Variants in TOX2 observed in about 807,000 individuals in gnomAD.
TOX2 encodes granulosa cell HMG box 1.
Under a neutral mutation model 47.4 loss-of-function variants are expected in TOX2, and 15 were observed. The observed-to-expected ratio is 0.32, with a 90% confidence interval of 0.21 to 0.49. The LOEUF is 0.49. Ranked by LOEUF, TOX2 falls within the 20% of genes least tolerant of loss-of-function variation. The pLI is 0.99. For synonymous variants in TOX2, 290 were observed against 296.6 expected (o/e 0.98, Z 0.23); for missense variants, 622 against 673.1 (o/e 0.92, Z 0.84).
Position 44,051,463 on chromosome 20 carries a change from C to T in TOX2, c.569C>T (p.Ser190Phe). 1 of 1,613,838 alleles carries T rather than the reference C, an allele frequency of 6.2e-7. No individual in the cohort carries two copies. Residue 190 changes from serine (S) to phenylalanine (F), a missense_variant, in exon 4 of 9, where the codon TCC becomes TTC. Physicochemically the swap from Ser to Phe is radical, Grantham distance 155. This residue lies in a region of TOX2 where 307 missense variants were observed against 327.3 expected (regional missense o/e 0.94). Transcript: ENST00000341197. The part of the protein sequence containing the change: ...MGIRSSIAHS[S>F]PSPPGSKSAT... Reference sequence around the variant, plus strand: ...ATCCGGAGCAGCATCGCCCACAGCTCCCCATCACCGCCGGGGAGCAAGTCA... The same window carrying T: ...ATCCGGAGCAGCATCGCCCACAGCTTCCCATCACCGCCGGGGAGCAAGTCA...
intron 1 of TOX2, among the ~76,000 whole-genome samples, chr20:43,945,020 C>A (rs1028697149): frequency 6.6e-6 from 1 of 152,196 alleles, no homozygotes; most frequent in Non-Finnish European, 1.5e-5. Context: ...TTATCCCAAG[C>A]CCGATCAAGG....
chr20:44,060,771 G>A (rs1291205632), intron 5 of TOX2, among the ~76,000 whole-genome samples: 1 of 152,142 alleles, frequency 6.6e-6, no homozygotes, highest in Non-Finnish European at 1.5e-5. Flanking sequence ...GTGCTAAGAG[G>A]AAAGGTCATA....
chr20:43,954,032 A>C (rs2069625786), intron 1 of TOX2, among the ~76,000 whole-genome samples: 1 of 152,140 alleles, frequency 6.6e-6, no homozygotes, highest in African/African-American at 2.4e-5. Flanking sequence ...CATCTTTTAA[A>C]CTATAAATTA....
intron 3 of TOX2, among the ~76,000 whole-genome samples, chr20:44,043,190 G>T (rs1232576171): frequency 6.6e-6 from 1 of 152,092 alleles, no homozygotes; most frequent in Non-Finnish European, 1.5e-5. Context: ...GACATTTCAG[G>T]GTGCCTAATG....
In TOX2 at chr20:43,946,583, G is replaced by C. The variant is rs553719085; in HGVS notation, c.100-26784G>C. 2.4e-4 allele frequency among the ~76,000 whole-genome samples: 36 copies of C among 152,290 alleles called. No individual in the cohort carries two copies. The South Asian group carries it at 7.5e-3, about 32-fold the overall frequency. On this transcript the variant is annotated intron_variant, in intron 1 of 8. Transcript: ENST00000341197. ...ATAAAAATTTCTTGCCAAATTTGGT[G>C]AATGCCACCTTTTCCGTTTGTGAAG...
chr20:43,999,109 A>G (rs752807694), intron 2 of TOX2, among the ~76,000 whole-genome samples: 4 of 152,154 alleles, frequency 2.6e-5, no homozygotes, highest in African/African-American at 7.2e-5. Context: ...AGGCATGTCT[A>G]TTATAAACCA....
chr20:44,009,576 T>C (rs2070746186), intron 3 of TOX2, among the ~76,000 whole-genome samples: 1 of 152,224 alleles, frequency 6.6e-6, no homozygotes, highest in Non-Finnish European at 1.5e-5. Context: ...TGCAATTTTT[T>C]GAATTTTTGC....
intron 3 of TOX2, among the ~76,000 whole-genome samples, chr20:44,045,178 A>G (rs1233179705): frequency 6.6e-6 from 1 of 152,214 alleles, no homozygotes; most frequent in Non-Finnish European, 1.5e-5. Flanking sequence ...AGAATTCTGC[A>G]GACGGCTGCT....
At chr20:43,943,792 G>A (rs1600667535) in intron 1 of TOX2, among the ~76,000 whole-genome samples, 1 of 152,220 alleles carries the variant, frequency 6.6e-6, no homozygotes, top group Non-Finnish European at 1.5e-5. Context: ...AAGCAACATG[G>A]CTTCTTGCAA....
chr20:43,980,639 A>C (rs748068798), intron 2 of TOX2, among the ~76,000 whole-genome samples: 1 of 152,212 alleles, frequency 6.6e-6, no homozygotes, highest in Non-Finnish European at 1.5e-5. Context: ...ACCTATGTAC[A>C]CACAAAAATT....
chr20:43,932,801 G>GCAGGT (rs1352681309), intron 1 of TOX2, among the ~76,000 whole-genome samples: 1 of 149,686 alleles, frequency 6.7e-6, no homozygotes, highest in Non-Finnish European at 1.5e-5. Flanking sequence ...CTGACTGAGG[G>GCAGGT]CAGGTCAGCG....
intron 3 of TOX2, among the ~76,000 whole-genome samples, chr20:44,042,277 G>A (rs1180654173): frequency 2.6e-5 from 4 of 152,298 alleles, no homozygotes. Context: ...CCCGTAATTC[G>A]ATTACCTCCC....
chr20:43,918,897 G>A (rs2069085220), intron 1 of TOX2, among the ~76,000 whole-genome samples: 1 of 152,142 alleles, frequency 6.6e-6, no homozygotes, highest in Non-Finnish European at 1.5e-5. Flanking sequence ...TGAGTTTCAG[G>A]ACGGTTAAGT....
intron 4 of TOX2, among the ~76,000 whole-genome samples, chr20:44,052,437 C>T (rs1483215407): frequency 6.6e-6 from 1 of 152,206 alleles, no homozygotes; most frequent in African/African-American, 2.4e-5. Flanking sequence ...TCCGTGCCTC[C>T]TGCCTCTGTC....
rs149964062 is a variant in TOX2 at position 43,943,977 on chromosome 20, C to T, written c.99+28987C>T. 1.1e-3 allele frequency among the ~76,000 whole-genome samples: 160 copies of T among 152,310 alleles called. 2 individuals are homozygous for T. Among genetic ancestry groups the T allele is most frequent in the African/African-American group, 3.6e-3 (148 of 41,576 alleles). On this transcript the variant is annotated intron_variant, in intron 1 of 8. Coordinates refer to ENST00000341197, the MANE Select transcript of TOX2 (RefSeq NM_001098797.2). ...TGAGCCTAGAAAGTTCTTTATCATC[C>T]TAAGCTTATATAAATATTCATGGAC... is the stretch of plus-strand genomic sequence containing the variant.
At chr20:44,037,039 C>G (rs1208279008) in intron 3 of TOX2, among the ~76,000 whole-genome samples, 1 of 152,222 alleles carries the variant, frequency 6.6e-6, no homozygotes, top group Non-Finnish European at 1.5e-5. Context: ...ATTGCAACCT[C>G]TACCTCCCGG....
chr20:44,043,992 G>A (rs935127428), intron 3 of TOX2, among the ~76,000 whole-genome samples: 4 of 152,190 alleles, frequency 2.6e-5, no homozygotes, highest in Non-Finnish European at 5.9e-5. Context: ...GTTTACTGCG[G>A]CACTATTCAC....
chr20:44,020,414 T>C (rs973949557), intron 3 of TOX2, among the ~76,000 whole-genome samples: 3 of 152,208 alleles, frequency 2.0e-5, no homozygotes, highest in Non-Finnish European at 2.9e-5. Context: ...CATGTATACC[T>C]ATGTAACAAA....
chr20:43,973,120 A>G (rs775243617), intron 1 of TOX2, among the ~76,000 whole-genome samples: 1 of 152,230 alleles, frequency 6.6e-6, no homozygotes, highest in Non-Finnish European at 1.5e-5. Context: ...AGGTTTTCCT[A>G]TTTGCATTGT....
Sources: allele counts gnomAD v4.1 joint callset (sites outside exome capture counted in the v4.1 genomes callset), GRCh38; gene constraint gnomAD v4.1.1; regional missense constraint gnomAD v4.1.1; transcripts MANE v1.5; gene names NCBI Gene and HGNC (gene_info 2026-07-23, HGNC 2026-07-21).